Variants in GPR158 observed in about 807,000 individuals in gnomAD.
GPR158 encodes G protein-coupled receptor 158.
A neutral mutation model predicts 78.2 loss-of-function variants in GPR158; 30 were observed. That is an observed-to-expected ratio of 0.38 (90% CI 0.29 to 0.52). The LOEUF is 0.52. GPR158 is among the 20% of genes least tolerant of loss of function. The pLI is 0.83. For missense variants in GPR158, 1,463 were observed against 1,523.5 expected, an observed-to-expected ratio of 0.96 and a Z score of 0.66; for synonymous variants, 581 against 591.1, an observed-to-expected ratio of 0.98 and a Z score of 0.25.
chr10:25,433,802 G>C (rs1397653588), intron 4 of GPR158, among the ~76,000 whole-genome samples: 2 of 147,376 alleles, frequency 1.4e-5, no homozygotes, highest in Non-Finnish European at 3.0e-5. Flanking sequence ...TAATATGCTG[G>C]TTATTACAGA....
At chr10:25,568,288 G>C (rs1836958917) in intron 6 of GPR158, among the ~76,000 whole-genome samples, 1 of 152,142 alleles carries the variant, frequency 6.6e-6, no homozygotes, top group Non-Finnish European at 1.5e-5. Flanking sequence ...GAGTTTCTTG[G>C]GTGCAATATG....
intron 2 of GPR158, among the ~76,000 whole-genome samples, chr10:25,339,451 A>G (rs1396706245): frequency 6.6e-6 from 1 of 152,112 alleles, no homozygotes; most frequent in Non-Finnish European, 1.5e-5. Context: ...ATCACTGAAT[A>G]ATAACATGTT....
intron 4 of GPR158, among the ~76,000 whole-genome samples, chr10:25,426,304 G>C (rs142017988): frequency 6.6e-6 from 1 of 152,028 alleles, no homozygotes; most frequent in African/African-American, 2.4e-5. Flanking sequence ...CTTAACATTC[G>C]TATGTTCACT....
Position 25,551,079 on chromosome 10 carries a change from T to G in GPR158, c.1508T>G (p.Leu503Arg). ...ATVYGTVTLK[L>R]HRVLKVFLSR... is the part of the protein sequence containing the mutation. Reference sequence around the variant, plus strand: ...GTTTACGGAACTGTCACTCTCAAACTTCACAGGTATATACATTTTATTCAT... The same window carrying G: ...GTTTACGGAACTGTCACTCTCAAACGTCACAGGTATATACATTTTATTCAT... Residue 503 changes from leucine (L) to arginine (R), a missense_variant, in exon 6 of 11, where the codon CTT becomes CGT. By Grantham distance (102) the Leu-to-Arg change is moderately radical. Transcript: ENST00000376351. 6.6e-7 allele frequency: 1 copy of G among 1,503,988 alleles called. No homozygotes were observed. Among genetic ancestry groups the G allele is most frequent in the Non-Finnish European group, 9.3e-7 (1 of 1,079,382 alleles). The allele number at this position is 1,503,988 out of a possible 1,614,324, so 93.2% of individuals were successfully genotyped here. A position where few individuals can be genotyped will look rare whatever the true frequency, so the allele number is the denominator to read the frequency against.
intron 6 of GPR158, among the ~76,000 whole-genome samples, chr10:25,553,165 A>C (rs1053790147): frequency 6.6e-6 from 1 of 152,192 alleles, no homozygotes; most frequent in African/African-American, 2.4e-5. Context: ...AATATTTTAA[A>C]ACAATAAATA....
At chr10:25,338,482 A>AT (rs1379652189) in intron 2 of GPR158, among the ~76,000 whole-genome samples, 2 of 132,458 alleles carry the variant, frequency 1.5e-5, no homozygotes, top group Non-Finnish European at 3.2e-5. Flanking sequence ...TACGTATAAT[A>AT]TACGTATAAT....
At position 25,175,746 on chromosome 10, in the gene GPR158, C is replaced by G. The variant is rs116299271; in HGVS notation, c.326C>G (p.Pro109Arg). 5.0e-6 allele frequency: 8 copies of G among 1,611,436 alleles called. No individual in the cohort carries two copies. In the East Asian group the frequency reaches 1.6e-4, roughly 31 times the overall value. Residue 109 changes from proline to arginine, a missense_variant, in exon 1 of 11, where the codon CCG becomes CGG. Transcript: ENST00000376351. The surrounding 1 kb of genome is among the most constrained non-coding windows in gnomAD (Gnocchi z 6.4). ...CSGRYELAGL[P>R]GKWPALASAH... ...GGCCGCTACGAGTTGGCGGGCCTGC[C>G]GGGGAAGTGGCCAGCCCTGGCCAGC... is the stretch of plus-strand genomic sequence containing the variant.
intron 4 of GPR158, among the ~76,000 whole-genome samples, chr10:25,457,407 T>G (rs1835305384): frequency 6.6e-6 from 1 of 152,044 alleles, no homozygotes; most frequent in African/African-American, 2.4e-5. Context: ...CAAGATCTCT[T>G]TATGTGATAT....
chr10:25,477,109 T>C (rs1200888804), intron 5 of GPR158, among the ~76,000 whole-genome samples: 2 of 152,144 alleles, frequency 1.3e-5, no homozygotes, highest in African/African-American at 4.8e-5. Flanking sequence ...CTTAAGACTT[T>C]TTTTTAACTC....
At chr10:25,274,949 C>T (rs370963319) in intron 2 of GPR158, among the ~76,000 whole-genome samples, 5 of 152,060 alleles carry the variant, frequency 3.3e-5, no homozygotes, top group East Asian at 3.8e-4. Context: ...CTCCAGAAAA[C>T]GATACTGCTG....
At chr10:25,295,748 G>A (rs1291821190) in intron 2 of GPR158, among the ~76,000 whole-genome samples, 1 of 152,088 alleles carries the variant, frequency 6.6e-6, no homozygotes, top group African/African-American at 2.4e-5. Context: ...AATAAAACCT[G>A]AAAAAACTTT....
rs537567591 is a variant in GPR158, at chr10:25,508,142, TTTTA to T, written c.1404+41439_1404+41442del. 2.2e-3 allele frequency among the ~76,000 whole-genome samples: 330 copies of T among 152,286 alleles called. 4 individuals carry two copies. Among genetic ancestry groups the T allele is most frequent in the African/African-American group, 7.3e-3 (305 of 41,558 alleles). ...AGAATTAGATGCTAGAATTTAATCT[TTTTA>T]TTTATTTATTTATTTTTTTTGTAAC... On this transcript the variant is annotated intron_variant, in intron 5 of 10. Transcript: ENST00000376351.
At chr10:25,220,603 C>A (rs1052313666) in intron 1 of GPR158, among the ~76,000 whole-genome samples, 2 of 152,192 alleles carry the variant, frequency 1.3e-5, no homozygotes, top group Non-Finnish European at 2.9e-5. Context: ...TGCTTATTTT[C>A]TGATACTGTC....
At chr10:25,423,155 A>G (rs1220826718) in intron 4 of GPR158, among the ~76,000 whole-genome samples, 46 of 147,892 alleles carry the variant, frequency 3.1e-4, no homozygotes, top group Admixed American at 3.0e-3. Context: ...ATATATGTAT[A>G]TGTATATATG....
At chr10:25,363,162 T>G (rs1855667374) in intron 2 of GPR158, among the ~76,000 whole-genome samples, 1 of 151,946 alleles carries the variant, frequency 6.6e-6, no homozygotes, top group African/African-American at 2.4e-5. Flanking sequence ...TTTTAGCATT[T>G]GTTTGGCAGC....
At chr10:25,184,172 C>G (rs1274375385) in intron 1 of GPR158, among the ~76,000 whole-genome samples, 1 of 152,074 alleles carries the variant, frequency 6.6e-6, no homozygotes, top group African/African-American at 2.4e-5. Flanking sequence ...AAATGTAAAC[C>G]TTACTGCTGT....
chr10:25,488,683 C>T (rs977188628), intron 5 of GPR158, among the ~76,000 whole-genome samples: 1 of 152,000 alleles, frequency 6.6e-6, no homozygotes, highest in Non-Finnish European at 1.5e-5. Flanking sequence ...CTTTCTTTCA[C>T]TTGCTTGGAA....
intron 2 of GPR158, among the ~76,000 whole-genome samples, chr10:25,229,680 T>C (rs1765723811): frequency 6.6e-6 from 1 of 152,244 alleles, no homozygotes; most frequent in African/African-American, 2.4e-5. Flanking sequence ...TACAATCATA[T>C]CCTTCTTATT....
intron 1 of GPR158, among the ~76,000 whole-genome samples, chr10:25,190,417 C>G (rs1364663567): frequency 6.6e-6 from 1 of 152,120 alleles, no homozygotes; most frequent in Non-Finnish European, 1.5e-5. Context: ...ACTGCAGCCT[C>G]AACCTCCCAG....
Sources: allele counts gnomAD v4.1 joint callset (sites outside exome capture counted in the v4.1 genomes callset), GRCh38; gene constraint gnomAD v4.1.1; non-coding constraint Gnocchi (gnomAD v3.1); transcripts MANE v1.5; gene names NCBI Gene and HGNC (gene_info 2026-07-23, HGNC 2026-07-21).